Variants in FRMD4B observed in about 807,000 individuals in gnomAD.
FRMD4B encodes FERM domain-containing protein 4B.
Under a neutral mutation model 141.5 loss-of-function variants are expected in FRMD4B, and 74 were observed. That is an observed-to-expected ratio of 0.52 (90% CI 0.43 to 0.63). FRMD4B has a LOEUF of 0.63. Ranked by LOEUF, FRMD4B falls within the 30% of genes least tolerant of loss-of-function variation. The pLI is 0.00. For missense variants in FRMD4B, 1,366 were observed against 1,253.4 expected, an observed-to-expected ratio of 1.09 and a Z score of -1.36; for synonymous variants, 506 against 467.9, an observed-to-expected ratio of 1.08 and a Z score of -1.05.
At chr3:69,383,522 C>T (rs1463760748) in intron 1 of FRMD4B, among the ~76,000 whole-genome samples, 2 of 152,134 alleles carry the variant, frequency 1.3e-5, no homozygotes, top group Non-Finnish European at 2.9e-5. Context: ...TTCATATAAT[C>T]AAAGCAGGGT....
rs181475791 is a variant in FRMD4B, at chr3:69,350,474, G to A, written c.162+35354C>T. 3.9e-3 allele frequency among the ~76,000 whole-genome samples: 597 copies of A among 152,232 alleles called. 6 individuals carry two copies. Among genetic ancestry groups the A allele is most frequent in the Admixed American group, 8.0e-3 (123 of 15,298 alleles). On this transcript the variant is annotated intron_variant, in intron 1 of 22. Coordinates refer to ENST00000398540, the MANE Select transcript of FRMD4B (RefSeq NM_015123.3). ...TTTGACCCAGCCATCCCATTACTGC[G>A]TATATACCCAAAGGATTATAAATCA...
intron 1 of FRMD4B, among the ~76,000 whole-genome samples, chr3:69,434,051 A>G (rs1470883913): frequency 6.6e-6 from 1 of 152,236 alleles, no homozygotes; most frequent in Admixed American, 6.5e-5. Flanking sequence ...TCATCTCTCC[A>G]CATCTTTCTT....
At chr3:69,462,111 A>G (rs528671362) in intron 1 of FRMD4B, among the ~76,000 whole-genome samples, 82 of 152,288 alleles carry the variant, frequency 5.4e-4, no homozygotes, top group Admixed American at 3.1e-3. Context: ...AAATATTACC[A>G]GGAAGCATAG....
At chr3:69,434,131 T>C (rs576135100) in intron 1 of FRMD4B, among the ~76,000 whole-genome samples, 65 of 152,334 alleles carry the variant, frequency 4.3e-4, no homozygotes, top group Middle Eastern at 3.4e-3. Context: ...AAGCAGTGTC[T>C]AATGTCACGT....
At chr3:69,233,634 C>T (rs2093326174) in intron 7 of FRMD4B, among the ~76,000 whole-genome samples, 1 of 152,074 alleles carries the variant, frequency 6.6e-6, no homozygotes, top group Non-Finnish European at 1.5e-5. Flanking sequence ...AAGTCTAAAG[C>T]CTGTTATTAA....
intron 2 of FRMD4B, among the ~76,000 whole-genome samples, chr3:69,410,692 G>GA (rs78071618): frequency 7.5e-6 from 1 of 133,128 alleles, no homozygotes; most frequent in African/African-American, 2.7e-5. Context: ...TGGAACAAGG[G>GA]AAAAAAAGAA....
chr3:69,345,065 G>A (rs549106776), intron 1 of FRMD4B, among the ~76,000 whole-genome samples: 3 of 152,080 alleles, frequency 2.0e-5, no homozygotes, highest in African/African-American at 7.2e-5. Context: ...AGCACAAGGG[G>A]TCAGGGAATT....
chr3:69,338,317 G>C (rs1209970028), intron 1 of FRMD4B, among the ~76,000 whole-genome samples: 1 of 152,176 alleles, frequency 6.6e-6, no homozygotes, highest in Non-Finnish European at 1.5e-5. Context: ...TGAGTGGGGA[G>C]AGGGGGGAGG....
chr3:69,429,633 C>T (rs957037433), intron 2 of FRMD4B, among the ~76,000 whole-genome samples: 13 of 151,966 alleles, frequency 8.6e-5, no homozygotes, highest in African/African-American at 3.1e-4. Context: ...AATCCACACA[C>T]ATGAAATAAA....
At chr3:69,232,610 C>T (rs1262807097) in intron 7 of FRMD4B, among the ~76,000 whole-genome samples, 1 of 152,106 alleles carries the variant, frequency 6.6e-6, no homozygotes, top group Non-Finnish European at 1.5e-5. Flanking sequence ...ACATGGCTGG[C>T]AAAACTGAGG....
intron 2 of FRMD4B, among the ~76,000 whole-genome samples, chr3:69,394,648 C>T (rs1343249153): frequency 6.6e-6 from 1 of 152,102 alleles, no homozygotes; most frequent in African/African-American, 2.4e-5. Context: ...ACCATTTGAC[C>T]CAGCAATCCC....
chr3:69,476,699 T>A lies in FRMD4B; in HGVS notation c.-128-43938A>T, dbSNP rs1313527141. Among the ~76,000 whole-genome samples, 5 of 151,760 alleles carry A rather than the reference T, an allele frequency of 3.3e-5. No homozygotes were observed. In the East Asian group the frequency reaches 9.7e-4, roughly 29 times the overall value. On this transcript the variant is annotated intron_variant, in intron 1 of 5. Coordinates refer to the FRMD4B transcript ENST00000459638. ...CTTGGCAATGAGGGCTCTTTTTTGG[T>A]TCCATATGAACTTTAAAGTAGTTTT... is the stretch of plus-strand genomic sequence containing the variant.
chr3:69,319,107 C>T (rs892665398), intron 1 of FRMD4B, among the ~76,000 whole-genome samples: 2 of 152,214 alleles, frequency 1.3e-5, no homozygotes, highest in African/African-American at 2.4e-5. Context: ...AACCTCTACA[C>T]AAACCTATCA....
intron 1 of FRMD4B, among the ~76,000 whole-genome samples, chr3:69,351,579 T>G (rs1037436816): frequency 6.6e-6 from 1 of 152,208 alleles, no homozygotes; most frequent in Non-Finnish European, 1.5e-5. Context: ...CTCATTTGGA[T>G]GCAGCTCCCA....
intron 1 of FRMD4B, among the ~76,000 whole-genome samples, chr3:69,452,897 C>G (rs1274169329): frequency 1.3e-5 from 2 of 152,104 alleles, no homozygotes; most frequent in African/African-American, 4.8e-5. Context: ...TATATTTAAC[C>G]CAACATAGCC....
intron 1 of FRMD4B, among the ~76,000 whole-genome samples, chr3:69,519,743 C>G (rs536851485): frequency 6.6e-6 from 1 of 151,856 alleles, no homozygotes; most frequent in Non-Finnish European, 1.5e-5. Flanking sequence ...ACCCATCACC[C>G]GAGCAGTGTA....
intron 8 of FRMD4B, among the ~76,000 whole-genome samples, chr3:69,224,399 T>G (rs1332312097): frequency 6.6e-6 from 1 of 152,224 alleles, no homozygotes; most frequent in Non-Finnish European, 1.5e-5. Context: ...TGCAAATGAC[T>G]GCAAGACACA....
At chr3:69,319,831 C>T (rs897742482) in intron 1 of FRMD4B, among the ~76,000 whole-genome samples, 3 of 152,282 alleles carry the variant, frequency 2.0e-5, no homozygotes, top group South Asian at 2.1e-4. Context: ...GTACTACACA[C>T]ACTGTAAAGT....
intron 1 of FRMD4B, among the ~76,000 whole-genome samples, chr3:69,335,670 C>A (rs1397045911): frequency 2.0e-5 from 3 of 152,042 alleles, no homozygotes; most frequent in South Asian, 2.1e-4. Context: ...CAATACCCTC[C>A]TCCCCCATGA....
Sources: gnomAD v4.1 joint callset for allele counts (sites outside exome capture counted in the v4.1 genomes callset) on GRCh38, gnomAD v4.1.1 for gene constraint, MANE v1.5 for transcripts, NCBI Gene and HGNC (gene_info 2026-07-23, HGNC 2026-07-21) for gene names.